PPP2R5C: variants seen among roughly 807,000 people sequenced by gnomAD.
PPP2R5C encodes the protein serine/threonine-protein phosphatase 2A 56 kDa regulatory subunit gamma isoform.
Under a neutral mutation model 68.9 loss-of-function variants are expected in PPP2R5C, and 7 were observed. That is an observed-to-expected ratio of 0.10 (90% CI 0.06 to 0.19). The LOEUF (loss-of-function observed/expected upper bound fraction) is 0.19. PPP2R5C is among the 10% of genes least tolerant of loss of function. The probability of loss-of-function intolerance (pLI) is 1.00; values close to 1 mark genes in which losing one functional copy is unlikely to be tolerated. For missense variants in PPP2R5C, 348 were observed against 641.3 expected (o/e 0.54, Z 4.94); for synonymous variants, 210 against 222.2 (o/e 0.95, Z 0.49).
At chr14:101,779,658 C>T (rs1313843746) in intron 2 of PPP2R5C, among the ~76,000 whole-genome samples, 1 of 152,090 alleles carries the variant, frequency 6.6e-6, no homozygotes, top group Non-Finnish European at 1.5e-5. Context: ...GGGGAGACAG[C>T]GGCTGAGCTC....
chr14:101,764,302 T>G (rs2036738719), intron 2 of PPP2R5C, among the ~76,000 whole-genome samples: 1 of 152,200 alleles, frequency 6.6e-6, no homozygotes, highest in Non-Finnish European at 1.5e-5. Flanking sequence ...TCCTTTTGAA[T>G]CCATGGGTAG....
chr14:101,910,570 C>A (rs1041200914), intron 11 of PPP2R5C, among the ~76,000 whole-genome samples: 8 of 152,050 alleles, frequency 5.3e-5, no homozygotes, highest in African/African-American at 1.7e-4. Context: ...CGGTGGCTCA[C>A]GCCTGTAATC....
intron 1 of PPP2R5C, chr14:101,818,889 A>G (rs2140251334): frequency 1.1e-6 from 1 of 898,826 alleles, no homozygotes; most frequent in East Asian, 2.7e-5. Context: ...CCTCGTTATA[A>G]TACACATGGA....
chr14:101,915,982 G>A lies in PPP2R5C; in HGVS notation c.1327-1849G>A, dbSNP rs1229805644. On this transcript the variant is annotated intron_variant, in intron 12 of 13. Coordinates refer to ENST00000334743, the Ensembl canonical transcript of PPP2R5C. This position sits in a 1 kb window ranked among gnomAD's most constrained non-coding sequence, Gnocchi z 4.2. The stretch of plus-strand genomic sequence containing the variant: ...CCCGCGGCAGAGGTAGAGAAAAGCA[G>A]GGACACAGTGGGTGACAGGTGTCGG... Among the ~76,000 whole-genome samples the A allele has an allele frequency of 1.3e-5, 2 of 152,176 alleles. No homozygotes were observed. Among genetic ancestry groups the A allele is most frequent in the African/African-American group, 4.8e-5 (2 of 41,438 alleles).
In PPP2R5C at chr14:101,917,973, G is replaced by A; in HGVS notation, c.1443+26G>A. 1 of 1,613,568 alleles carries A rather than the reference G, an allele frequency of 6.2e-7. No homozygotes were observed. Among genetic ancestry groups the A allele is most frequent in the Non-Finnish European group, 8.5e-7 (1 of 1,179,700 alleles). On this transcript the variant is annotated intron_variant, in intron 13 of 13. Transcript: ENST00000334743. The surrounding 1 kb of genome is among the most constrained non-coding windows in gnomAD (Gnocchi z 4.4). Reference sequence around the variant, plus strand: ...GTAAAAGTGCACCGAGCTCAGCTGGGCACCCATGACTGATTTGCTTAAGAA... The same window carrying A: ...GTAAAAGTGCACCGAGCTCAGCTGGACACCCATGACTGATTTGCTTAAGAA...
chr14:101,888,953 A>G lies in PPP2R5C; in HGVS notation c.630-1284A>G, dbSNP rs2044687454. Among the ~76,000 whole-genome samples, 1 of 151,686 alleles carries G rather than the reference A, an allele frequency of 6.6e-6. No homozygotes were observed. Among genetic ancestry groups the G allele is most frequent in the Non-Finnish European group, 1.5e-5 (1 of 67,916 alleles). On this transcript the variant is annotated intron_variant, in intron 5 of 13. Transcript: ENST00000334743. This position sits in a 1 kb window ranked among gnomAD's most constrained non-coding sequence, Gnocchi z 5.6. ...CCATGCATCTTGCCCACCCCACTCCACGGCACAGACCTTTGTTCCAGCCAA... is the reference window on the plus strand; with the variant it reads ...CCATGCATCTTGCCCACCCCACTCCGCGGCACAGACCTTTGTTCCAGCCAA...
At chr14:101,908,540 A>T (rs962357459) in intron 10 of PPP2R5C, among the ~76,000 whole-genome samples, 1 of 151,748 alleles carries the variant, frequency 6.6e-6, no homozygotes, top group Non-Finnish European at 1.5e-5. Context: ...CTCCTGGCTA[A>T]TTTTTGCATT....
intron 1 of PPP2R5C, among the ~76,000 whole-genome samples, chr14:101,854,466 C>T (rs1467784270): frequency 1.3e-5 from 2 of 152,204 alleles, no homozygotes; most frequent in African/African-American, 4.8e-5. Flanking sequence ...GTTTAAAGCA[C>T]TAACAAGTGC....
chr14:101,908,487 C>T (rs2046190509), intron 10 of PPP2R5C, among the ~76,000 whole-genome samples: 1 of 152,222 alleles, frequency 6.6e-6, no homozygotes, highest in South Asian at 2.1e-4. Flanking sequence ...GATTCTCCCA[C>T]CTCAGCCTCC....
At chr14:101,856,804 T>C in exon 2 of PPP2R5C, 7 of 1,614,190 alleles carry the variant, frequency 4.3e-6, no homozygotes, top group Non-Finnish European at 5.1e-6. Context: ...TAAAACGAGC[T>C]GCTTTAAGTG....
rs7154674 is a variant in PPP2R5C at position 101,814,788 on chromosome 14, T to C, written c.94+4752T>C. ...ATACATCCTAACTTTTGGTTCCATA[T>C]GTCAAATAAAATTGCGAGGTGGTTC... On this transcript the variant is annotated intron_variant, in intron 1 of 13. Transcript: ENST00000334743. Among the ~76,000 whole-genome samples, 734 of 152,350 alleles carry C rather than the reference T, an allele frequency of 4.8e-3. 6 individuals are homozygous for C. The highest frequency in any genetic ancestry group is 0.017 in the African/African-American group (694 of 41,564).
At chr14:101,771,222 CGTGTGTGTGTGT>C (rs3993402) in intron 2 of PPP2R5C, among the ~76,000 whole-genome samples, 115 of 135,488 alleles carry the variant, frequency 8.5e-4, no homozygotes, top group African/African-American at 2.0e-3. Context: ...TTCTTCATCT[CGTGTGTGTGTGT>C]GTGTGTGTGT....
At chr14:101,786,334 A>G (rs189515829) in intron 3 of PPP2R5C, among the ~76,000 whole-genome samples, 151 bp downstream of exon 3, 1 of 151,056 alleles carries the variant, frequency 6.6e-6, no homozygotes, top group Admixed American at 6.6e-5. Flanking sequence ...TTTAGGTTGA[A>G]TGTCATTAAC....
chr14:101,829,953 AT>A (rs913336144), intron 1 of PPP2R5C, among the ~76,000 whole-genome samples: 37 of 142,264 alleles, frequency 2.6e-4, no homozygotes, highest in African/African-American at 7.0e-4. Flanking sequence ...AAAAAAAAAA[AT>A]TTTTTTTCAA....
chr14:101,765,017 C>T (rs2036778181), intron 2 of PPP2R5C: 1 of 604,870 alleles, frequency 1.7e-6, no homozygotes, highest in African/African-American at 1.8e-5. Flanking sequence ...TGAAAAATCT[C>T]AGTAGTTCAA....
chr14:101,851,962 T>A (rs983382045), intron 1 of PPP2R5C, among the ~76,000 whole-genome samples: 3 of 152,208 alleles, frequency 2.0e-5, no homozygotes, highest in African/African-American at 7.2e-5. Flanking sequence ...GTAATTGAGG[T>A]ACATGTTGCT....
chr14:101,774,734 G>T (rs1026405006), intron 2 of PPP2R5C, among the ~76,000 whole-genome samples: 1 of 152,232 alleles, frequency 6.6e-6, no homozygotes, highest in East Asian at 1.9e-4. Context: ...TTTGCTGATT[G>T]TGAGTGCATC....
At chr14:101,812,908 G>A (rs1057477908) in intron 1 of PPP2R5C, among the ~76,000 whole-genome samples, 2 of 152,212 alleles carry the variant, frequency 1.3e-5, no homozygotes, top group African/African-American at 4.8e-5. Context: ...TGGACTTTGC[G>A]ATTAAAATGG....
intron 2 of PPP2R5C, among the ~76,000 whole-genome samples, chr14:101,878,432 C>T (rs1229737441): frequency 6.6e-6 from 1 of 152,202 alleles, no homozygotes; most frequent in East Asian, 1.9e-4. Flanking sequence ...AGCTGCTGGG[C>T]TGACTGTCAC....
Sources: allele counts gnomAD v4.1 joint callset (sites outside exome capture counted in the v4.1 genomes callset), GRCh38; gene constraint gnomAD v4.1.1; non-coding constraint Gnocchi (gnomAD v3.1); transcripts MANE v1.5; gene names NCBI Gene and HGNC (gene_info 2026-07-23, HGNC 2026-07-21).